BMPR2: variants seen among roughly 807,000 people sequenced by gnomAD.
BMPR2 encodes the protein bone morphogenetic protein receptor type 2.
A neutral mutation model predicts 100.8 loss-of-function variants in BMPR2; 29 were observed. The ratio of observed to expected loss-of-function variants is 0.29; its 90% CI spans 0.21 to 0.39. The LOEUF (loss-of-function observed/expected upper bound fraction) is 0.39. Among genes scored for constraint, BMPR2 ranks in the 10% least tolerant of loss-of-function variants. BMPR2 has a pLI of 1.00. For synonymous variants in BMPR2, 382 were observed against 442.3 expected, an observed-to-expected ratio of 0.86 and a Z score of 1.71; for missense variants, 1,011 against 1,274.5, an observed-to-expected ratio of 0.79 and a Z score of 3.15.
At chr2:202,496,426 A>G (rs1040892646) in intron 3 of BMPR2, among the ~76,000 whole-genome samples, 4 of 152,190 alleles carry the variant, frequency 2.6e-5, no homozygotes, top group African/African-American at 9.7e-5. Flanking sequence ...GTAGTGAGCC[A>G]TGGTCATACC....
rs202032829 is a variant in BMPR2 at position 202,530,453 on chromosome 2, C to CT, written c.968-330dup. Among the ~76,000 whole-genome samples, 130 of 145,758 alleles carry CT rather than the reference C, an allele frequency of 8.9e-4. 1 individual carries two copies. The highest frequency in any genetic ancestry group is 4.1e-3 in the South Asian group (19 of 4,592). On this transcript the variant is annotated intron_variant, in intron 7 of 12. Transcript: ENST00000374580. Reference sequence around the variant, plus strand: ...CTGATACTTATTTTAGACAAGCAGACTTTTTTTTTTTGATGTTTATACCAA... The same window carrying CT: ...CTGATACTTATTTTAGACAAGCAGACTTTTTTTTTTTTGATGTTTATACCAA...
intron 10 of BMPR2, among the ~76,000 whole-genome samples, chr2:202,547,352 C>G (rs1476329896): frequency 6.6e-6 from 1 of 152,166 alleles, no homozygotes; most frequent in Non-Finnish European, 1.5e-5. Context: ...AATGTTTATA[C>G]TCCATTTCTT....
At chr2:202,379,697 C>CAAAT (rs1220976248) in intron 1 of BMPR2, among the ~76,000 whole-genome samples, 1 of 152,168 alleles carries the variant, frequency 6.6e-6, no homozygotes, top group Non-Finnish European at 1.5e-5. Flanking sequence ...TCGACAGGCG[C>CAAAT]AAATGGTGCA....
chr2:202,463,842 A>G (rs1383901560), intron 1 of BMPR2, among the ~76,000 whole-genome samples: 4 of 152,114 alleles, frequency 2.6e-5, no homozygotes, highest in Non-Finnish European at 5.9e-5. Flanking sequence ...TCTGGTTATT[A>G]TATTGATAAT....
At chr2:202,494,740 GACA>G (rs1229156624) in intron 3 of BMPR2, among the ~76,000 whole-genome samples, 1 of 152,172 alleles carries the variant, frequency 6.6e-6, no homozygotes, top group Non-Finnish European at 1.5e-5. Context: ...TGAAGAAATA[GACA>G]ACAAAAAATA....
rs1279588118 is a variant in BMPR2 at position 202,532,829 on chromosome 2, CTT to C, written c.1276+101_1276+102del. The C allele has an allele frequency of 7.4e-7, 1 of 1,351,964 alleles. No individual in the cohort carries two copies. Among genetic ancestry groups the C allele is most frequent in the Non-Finnish European group, 1.0e-6 (1 of 975,678 alleles). 83.7% of individuals were successfully genotyped at this position (1,351,964 alleles called of 1,614,324 possible). A position where few individuals can be genotyped will look rare whatever the true frequency, so the allele number is the denominator to read the frequency against. ...CCTAACTCAACTTTTATGTAAGAAT[CTT>C]TTTACTTTCATTTAAACCTTTAGTT... is the stretch of plus-strand genomic sequence containing the variant. On this transcript the variant is annotated intron_variant, in intron 9 of 12. Coordinates refer to ENST00000374580, the MANE Select transcript of BMPR2 (RefSeq NM_001204.7). The surrounding 1 kb of genome is among the most constrained non-coding windows in gnomAD (Gnocchi z 4.1).
chr2:202,486,873 T>A (rs1692789199), intron 3 of BMPR2, among the ~76,000 whole-genome samples: 1 of 149,580 alleles, frequency 6.7e-6, no homozygotes, highest in Non-Finnish European at 1.5e-5. Flanking sequence ...AAGAAATTTT[T>A]AAAAAAATTA....
At chr2:202,548,116 T>C (rs1380225108) in intron 10 of BMPR2, among the ~76,000 whole-genome samples, 1 of 152,102 alleles carries the variant, frequency 6.6e-6, no homozygotes, top group East Asian at 1.9e-4. Context: ...TCTTCCTCAG[T>C]TTATGTTTGC....
intron 9 of BMPR2, among the ~76,000 whole-genome samples, chr2:202,539,961 GTT>G: frequency 6.6e-6 from 1 of 152,052 alleles, no homozygotes; most frequent in African/African-American, 2.4e-5. Context: ...ATCCAATAAG[GTT>G]ATTATCTTCC....
chr2:202,485,617 GCTCACTACAGC>G (rs1692762049), intron 3 of BMPR2, among the ~76,000 whole-genome samples: 1 of 132,068 alleles, frequency 7.6e-6, no homozygotes, highest in African/African-American at 2.8e-5. Context: ...TGTGATCTCA[GCTCACTACAGC>G]CTCTGCCTCC....
chr2:202,384,675 C>A (rs1169184650), intron 1 of BMPR2, among the ~76,000 whole-genome samples: 2 of 151,716 alleles, frequency 1.3e-5, no homozygotes, highest in Non-Finnish European at 2.9e-5. Context: ...CTCACTGCAA[C>A]CTTCACCTCC....
intron 1 of BMPR2, among the ~76,000 whole-genome samples, chr2:202,411,348 C>T (rs1691009782): frequency 6.6e-6 from 1 of 152,192 alleles, no homozygotes; most frequent in African/African-American, 2.4e-5. Flanking sequence ...TACAAAGGCA[C>T]TCCAATGAGC....
intron 3 of BMPR2, among the ~76,000 whole-genome samples, chr2:202,507,790 C>T (rs113016831): frequency 3.3e-5 from 5 of 151,374 alleles, no homozygotes; most frequent in African/African-American, 1.2e-4. Context: ...GCCTCTGCCT[C>T]CCGGGTTCAA....
In BMPR2 at chr2:202,435,814, A is replaced by ATAGC. The variant is rs553497876; in HGVS notation, c.77-28992_77-28989dup. 2.7e-4 allele frequency among the ~76,000 whole-genome samples: 40 copies of ATAGC among 150,622 alleles called. No individual in the cohort carries two copies. In the East Asian group the frequency reaches 5.0e-3, roughly 19 times the overall value. ...GCAGCAACCTACAGTATTCAGTGGA[A>ATAGC]TAGCTATACAACTATCCTATAGTCT... On this transcript the variant is annotated intron_variant, in intron 1 of 12. Transcript: ENST00000374580.
chr2:202,397,488 G>A (rs952737519), intron 1 of BMPR2, among the ~76,000 whole-genome samples: 1 of 150,666 alleles, frequency 6.6e-6, no homozygotes, highest in African/African-American at 2.4e-5. Flanking sequence ...ATGTAGGTAA[G>A]TGTAGGTTTT....
chr2:202,516,030 G>A (rs1687704456), intron 5 of BMPR2, among the ~76,000 whole-genome samples: 1 of 152,094 alleles, frequency 6.6e-6, no homozygotes, highest in South Asian at 2.1e-4. Flanking sequence ...AATACTCCTT[G>A]TCTGCATATA....
chr2:202,544,767 T>C (rs1430883761), intron 10 of BMPR2, among the ~76,000 whole-genome samples: 8 of 144,976 alleles, frequency 5.5e-5, no homozygotes, highest in South Asian at 2.2e-4. Context: ...CTTTCTTTTT[T>C]TTTTTTTTTT....
At chr2:202,381,891 AC>A (rs1180745173) in intron 1 of BMPR2, among the ~76,000 whole-genome samples, 1 of 151,850 alleles carries the variant, frequency 6.6e-6, no homozygotes, top group Non-Finnish European at 1.5e-5. Context: ...TTTTTTTTTA[AC>A]AAAAAGAGAA....
At chr2:202,523,541 C>T (rs1157902952) in intron 7 of BMPR2, among the ~76,000 whole-genome samples, 1 of 152,160 alleles carries the variant, frequency 6.6e-6, no homozygotes, top group Non-Finnish European at 1.5e-5. Flanking sequence ...TGGTGGATTA[C>T]GCCTGTAATC....
Sources: gnomAD v4.1 joint callset for allele counts (sites outside exome capture counted in the v4.1 genomes callset) on GRCh38, gnomAD v4.1.1 for gene constraint, Gnocchi (gnomAD v3.1) non-coding constraint, MANE v1.5 for transcripts, NCBI Gene and HGNC (gene_info 2026-07-23, HGNC 2026-07-21) for gene names.